FBXL13: variants seen among roughly 807,000 people sequenced by gnomAD.
FBXL13 encodes the protein F-box and leucine rich repeat protein 13, also known as F-box and leucine-rich repeat protein 13.
FBXL13 carries 67 observed loss-of-function variants against 83.6 expected under a neutral mutation model. That is an observed-to-expected ratio of 0.80 (90% CI 0.66 to 0.98). The LOEUF (loss-of-function observed/expected upper bound fraction) is 0.98, where lower values mean the gene tolerates loss of function less well. Ranked by LOEUF, FBXL13 falls within the 50% of genes least tolerant of loss-of-function variation. FBXL13 has a pLI of 0.00. For missense variants in FBXL13, 822 were observed against 866.5 expected, an observed-to-expected ratio of 0.95 and a Z score of 0.64; for synonymous variants, 272 against 299.5, an observed-to-expected ratio of 0.91 and a Z score of 0.95.
At chr7:102,948,008 A>C (rs1822800119) in intron 8 of FBXL13, among the ~76,000 whole-genome samples, 2 of 152,044 alleles carry the variant, frequency 1.3e-5, no homozygotes, top group South Asian at 4.1e-4. Flanking sequence ...GTTTCTGAGA[A>C]ATCTGAGTCT....
intron 1 of FBXL13, among the ~76,000 whole-genome samples, chr7:103,058,817 T>C (rs1797587333): frequency 6.6e-6 from 1 of 152,148 alleles, no homozygotes; most frequent in Non-Finnish European, 1.5e-5. Flanking sequence ...GAGAAATTGA[T>C]TATATATATA....
intron 8 of FBXL13, among the ~76,000 whole-genome samples, chr7:102,937,528 AG>A (rs1408294462): frequency 7.1e-6 from 1 of 141,054 alleles, no homozygotes; most frequent in Non-Finnish European, 1.6e-5. Flanking sequence ...AAAAAAATGA[AG>A]GGTAGCTTTG....
At chr7:102,828,191 A>C (rs781661945) in intron 18 of FBXL13, among the ~76,000 whole-genome samples, 1 of 152,114 alleles carries the variant, frequency 6.6e-6, no homozygotes, top group Non-Finnish European at 1.5e-5. Context: ...CCATTTTCAC[A>C]ATATTGATTC....
intron 8 of FBXL13, among the ~76,000 whole-genome samples, chr7:102,942,831 G>T (rs936508881): frequency 1.3e-5 from 2 of 152,082 alleles, no homozygotes; most frequent in Admixed American, 6.6e-5. Flanking sequence ...TCAAAATAAG[G>T]ACGCTATGCT....
At chr7:103,041,351 G>GTC (rs1795671388) in intron 2 of FBXL13, among the ~76,000 whole-genome samples, 1 of 152,108 alleles carries the variant, frequency 6.6e-6, no homozygotes, top group Non-Finnish European at 1.5e-5. Flanking sequence ...ACCAAAAAAA[G>GTC]ACCAGGACCA....
rs554985715 is a variant in FBXL13 at position 102,968,225 on chromosome 7, G to A, written c.496-108C>T. ...CACACATGTGCGTGCACACACACAC[G>A]CATTAGTAATAATAAGGTAATCCAT... On this transcript the variant is annotated intron_variant, in intron 6 of 19. Transcript: ENST00000313221. 791 of 639,070 alleles carry A rather than the reference G, an allele frequency of 1.2e-3. 5 individuals are homozygous for A. In the African/African-American group the frequency reaches 0.013, roughly 11 times the overall value. 39.6% of individuals were successfully genotyped at this position (639,070 alleles called of 1,614,324 possible). A position where few individuals can be genotyped will look rare whatever the true frequency, so the allele number is the denominator to read the frequency against.
intron 11 of FBXL13, among the ~76,000 whole-genome samples, chr7:102,899,655 G>A (rs1287797600): frequency 1.3e-5 from 2 of 152,178 alleles, no homozygotes; most frequent in Admixed American, 6.5e-5. Flanking sequence ...GATTGACCAG[G>A]CCTGGATCAA....
chr7:102,914,649 G>A (rs1439480652), intron 10 of FBXL13, among the ~76,000 whole-genome samples: 2 of 152,124 alleles, frequency 1.3e-5, no homozygotes, highest in African/African-American at 4.8e-5. Context: ...ATGCCATAGC[G>A]AATTACTTGA....
chr7:102,907,518 T>C (rs1813950038), intron 11 of FBXL13, among the ~76,000 whole-genome samples: 2 of 143,454 alleles, frequency 1.4e-5, no homozygotes, highest in Admixed American at 6.9e-5. Flanking sequence ...CCCCACCCTG[T>C]GTCCAAGTGT....
chr7:102,893,966 G>GAAAGAAAT (rs58235133), intron 11 of FBXL13, among the ~76,000 whole-genome samples: 3 of 144,546 alleles, frequency 2.1e-5, no homozygotes, highest in Non-Finnish European at 3.1e-5. Context: ...AAGAAAGAGA[G>GAAAGAAAT]AAAGAAAGAA....
At chr7:102,915,890 TTA>T (rs1348712865) in intron 10 of FBXL13, among the ~76,000 whole-genome samples, 1 of 152,206 alleles carries the variant, frequency 6.6e-6, no homozygotes, top group East Asian at 1.9e-4. Flanking sequence ...TATTTGTGAT[TTA>T]TATGAGTAAA....
At chr7:102,934,796 C>T in intron 8 of FBXL13, 1 of 984,990 alleles carries the variant, frequency 1.0e-6, no homozygotes, top group Non-Finnish European at 1.5e-6. Context: ...GTCACTTCCA[C>T]CAGAAATCCT....
At chr7:103,035,324 C>T (rs1794966315) in intron 2 of FBXL13, among the ~76,000 whole-genome samples, 1 of 152,122 alleles carries the variant, frequency 6.6e-6, no homozygotes. Context: ...TTCCCAGACA[C>T]AAATGGGTAG....
At chr7:102,930,234 G>A (rs372622468) in intron 9 of FBXL13, among the ~76,000 whole-genome samples, 2 of 152,188 alleles carry the variant, frequency 1.3e-5, no homozygotes, top group African/African-American at 4.8e-5. Context: ...TTTCACCAGC[G>A]AGGAGGGCTT....
chr7:102,833,261 G>A (rs1177915540), intron 17 of FBXL13, among the ~76,000 whole-genome samples: 1 of 152,136 alleles, frequency 6.6e-6, no homozygotes, highest in Non-Finnish European at 1.5e-5. Flanking sequence ...TCAGTAATGA[G>A]TAGAAGAAAA....
chr7:103,011,003 CAAGGGCATCA>C lies in FBXL13; in HGVS notation c.495+14050_495+14059del, dbSNP rs1482657961. On this transcript the variant is annotated intron_variant, in intron 6 of 19. Transcript: ENST00000313221. ...ACCACCTTATTCTATAATCAAACCC[CAAGGGCATCA>C]AAGAAGAAAAAAGCAAAAAAAAAAT... Among the ~76,000 whole-genome samples, 5 of 151,656 alleles carry C rather than the reference CAAGGGCATCA, an allele frequency of 3.3e-5. No individual in the cohort carries two copies. In the East Asian group the frequency reaches 9.7e-4, roughly 29 times the overall value.
intron 14 of FBXL13, among the ~76,000 whole-genome samples, chr7:102,881,758 A>G (rs564844685): frequency 6.6e-6 from 1 of 152,204 alleles, no homozygotes; most frequent in African/African-American, 2.4e-5. Flanking sequence ...CTGGAGCTTC[A>G]GTCATCTGAA....
chr7:102,917,075 G>A (rs1452304556), intron 10 of FBXL13, among the ~76,000 whole-genome samples: 2 of 152,122 alleles, frequency 1.3e-5, no homozygotes, highest in African/African-American at 2.4e-5. Context: ...TTTGCATGTG[G>A]ATTCTTTTGA....
intron 11 of FBXL13, among the ~76,000 whole-genome samples, chr7:102,888,744 G>A (rs1251171122): frequency 6.6e-6 from 1 of 151,732 alleles, no homozygotes; most frequent in Non-Finnish European, 1.5e-5. Context: ...TTTTTGTACT[G>A]CTATGAATTC....
Sources: gnomAD v4.1 joint callset for allele counts (sites outside exome capture counted in the v4.1 genomes callset) on GRCh38, gnomAD v4.1.1 for gene constraint, MANE v1.5 for transcripts, NCBI Gene and HGNC (gene_info 2026-07-23, HGNC 2026-07-21) for gene names.